The following LTBP1 variants were observed in gnomAD, a reference collection of about 807,000 sequenced individuals.
LTBP1 encodes the protein latent transforming growth factor beta binding protein 1.
LTBP1 carries 129 observed loss-of-function variants against 207.6 expected under a neutral mutation model. That is an observed-to-expected ratio of 0.62 (90% confidence interval 0.54 to 0.72). LTBP1 has a LOEUF of 0.72. Among genes scored for constraint, LTBP1 ranks in the 30% least tolerant of loss-of-function variants. LTBP1 has a pLI of 0.00. For synonymous variants in LTBP1, 963 were observed against 833.7 expected (o/e 1.16, Z -2.67); for missense variants, 2,281 against 2,217.2 (o/e 1.03, Z -0.58).
At chr2:33,228,715 T>TTTTTTTTTTTTTTTTTC (rs2091605231) in intron 9 of LTBP1, among the ~76,000 whole-genome samples, 1 of 142,344 alleles carries the variant, frequency 7.0e-6, no homozygotes, top group Non-Finnish European at 1.5e-5. Context: ...TTTTTTTTTT[T>TTTTTTTTTTTTTTTTTC]TTTGAGATGG....
chr2:32,947,475 T>A lies in LTBP1; in HGVS notation c.151T>A (p.Ser51Thr), dbSNP rs1676355436. ...GALPLSGPPRSRTFNVALNAR... is the reference protein window; with the variant it reads ...GALPLSGPPRTRTFNVALNAR... ...CTTGCCCCTGAGCGGGCCCCCGCGT[T>A]CGCGGACATTCAACGTCGCGCTCAA... The change falls in exon 1 of 34, where the codon TCG becomes ACG. Residue 51 changes from serine (S) to threonine (T), a missense_variant. Ser to Thr is a moderately conservative substitution (Grantham distance 58). Transcript: ENST00000404816. 6.2e-6 allele frequency: 9 copies of A among 1,445,574 alleles called. No individual in the cohort carries two copies. The highest frequency in any genetic ancestry group is 7.3e-6 in the Non-Finnish European group (8 of 1,103,428). The allele number at this position is 1,445,574 out of a possible 1,614,324, so 89.5% of individuals were successfully genotyped here.
Position 33,197,031 on chromosome 2 carries a change from C to A in LTBP1, c.1701+8180C>A, listed in dbSNP as rs149009422. Among the ~76,000 whole-genome samples the A allele has an allele frequency of 9.8e-3, 1,485 of 152,214 alleles. 23 individuals are homozygous for A. The highest frequency in any genetic ancestry group is 0.037 in the Middle Eastern group (11 of 294). On this transcript the variant is annotated intron_variant, in intron 7 of 33. Transcript: ENST00000404816. The stretch of plus-strand genomic sequence containing the variant: ...GAATGCCAACCTGTAGGGAAAAAAA[C>A]ATTTCTATTGTTTTGTTTTTGTAAA...
intron 2 of LTBP1, among the ~76,000 whole-genome samples, chr2:33,001,458 A>G (rs2148976372): frequency 7.4e-6 from 1 of 134,910 alleles, no homozygotes; most frequent in African/African-American, 2.6e-5. Context: ...CACACCTAGA[A>G]CAACTGCCTT....
intron 2 of LTBP1, among the ~76,000 whole-genome samples, chr2:32,955,688 G>T (rs913755663): frequency 6.6e-6 from 1 of 152,042 alleles, no homozygotes; most frequent in Admixed American, 6.5e-5. Context: ...GCCCATCAGG[G>T]TCATGTTTTT....
chr2:33,289,517 A>G (rs796737432), intron 19 of LTBP1, among the ~76,000 whole-genome samples: 41 of 151,844 alleles, frequency 2.7e-4, no homozygotes, highest in African/African-American at 9.7e-4. Context: ...GCACCACCAC[A>G]CTCAGCTAAT....
chr2:33,090,718 T>C (rs1572590393), intron 3 of LTBP1, among the ~76,000 whole-genome samples: 1 of 152,032 alleles, frequency 6.6e-6, no homozygotes, highest in African/African-American at 2.4e-5. Context: ...GTTGAGGCGG[T>C]GGGGTGCTTT....
intron 3 of LTBP1, among the ~76,000 whole-genome samples, chr2:33,070,622 A>G (rs1426502674): frequency 1.3e-5 from 2 of 152,234 alleles, no homozygotes; most frequent in African/African-American, 4.8e-5. Flanking sequence ...CACCTAATTT[A>G]CAAGAACTGG....
At chr2:32,983,060 C>T (rs1022737898) in intron 2 of LTBP1, among the ~76,000 whole-genome samples, 1 of 152,226 alleles carries the variant, frequency 6.6e-6, no homozygotes, top group African/African-American at 2.4e-5. Flanking sequence ...TGCAGACACT[C>T]AATGTCAGCT....
chr2:33,295,503 A>G (rs1573677645), intron 20 of LTBP1, among the ~76,000 whole-genome samples: 1 of 152,134 alleles, frequency 6.6e-6, no homozygotes, highest in East Asian at 1.9e-4. Context: ...CACCAGCCTG[A>G]GTGACAGAGC....
In LTBP1 at chr2:33,118,825, C is replaced by A. The variant is rs147138197; in HGVS notation, c.1033+8074C>A. On this transcript the variant is annotated intron_variant, in intron 4 of 33. Transcript: ENST00000404816. ...TATCTGAGAGCTATTTGATAACATT[C>A]CAGTTCAGGGAAGCCGTACGAACAT... Among the ~76,000 whole-genome samples the A allele has an allele frequency of 6.1e-3, 934 of 152,272 alleles. 5 individuals carry two copies. The highest frequency in any genetic ancestry group is 0.046 in the South Asian group (221 of 4,826).
intron 2 of LTBP1, among the ~76,000 whole-genome samples, chr2:32,993,969 A>AGTGTGTGTGTGTGTGTGT (rs70938383): frequency 1.0e-4 from 14 of 138,474 alleles, no homozygotes; most frequent in South Asian, 2.4e-4. Context: ...CAGTTAGGGG[A>AGTGTGTGTGTGTGTGTGT]GTGTGTGTGT....
intron 3 of LTBP1, among the ~76,000 whole-genome samples, chr2:33,072,225 C>G (rs2077827056): frequency 6.6e-6 from 1 of 152,156 alleles, no homozygotes; most frequent in South Asian, 2.1e-4. Context: ...CGAAGAGGTG[C>G]TTAGGGAGAG....
rs768709678 is a variant in LTBP1, at chr2:33,301,592, A to G, written c.3429A>G (p.Gln1143=). 2.0e-5 allele frequency: 33 copies of G among 1,612,848 alleles called. No homozygotes were observed. The highest frequency in any genetic ancestry group is 1.0e-4 in the Admixed American group (6 of 59,728). The change falls in exon 22 of 34, where the codon CAA becomes CAG. Residue 1143 remains glutamine (Q), a synonymous_variant. Coordinates refer to ENST00000404816, the MANE Select transcript of LTBP1 (RefSeq NM_206943.4). ...GQCRNTEGSF[Q]CVCDQGYRAS... is the part of the protein sequence containing the mutation. ...GCAGGAACACTGAGGGCTCTTTTCA[A>G]TGTGTGTGTGACCAGGGTTACAGAG...
At chr2:33,085,637 C>G (rs2078703657) in intron 3 of LTBP1, among the ~76,000 whole-genome samples, 1 of 152,176 alleles carries the variant, frequency 6.6e-6, no homozygotes, top group African/African-American at 2.4e-5. Flanking sequence ...TTATTATTAT[C>G]CTCTTTTTAT....
At chr2:33,277,605 C>G (rs762192996) in intron 18 of LTBP1, among the ~76,000 whole-genome samples, 2 of 151,942 alleles carry the variant, frequency 1.3e-5, no homozygotes, top group Non-Finnish European at 2.9e-5. Context: ...AATCTCCCCC[C>G]ATCCCTGACT....
intron 2 of LTBP1, among the ~76,000 whole-genome samples, chr2:33,004,117 A>G (rs1686431863): frequency 6.7e-6 from 1 of 149,886 alleles, no homozygotes; most frequent in Non-Finnish European, 1.5e-5. Flanking sequence ...TTTTTTAAAG[A>G]GAGTCTGCCT....
chr2:33,384,440 C>T (rs1235077424), intron 31 of LTBP1, among the ~76,000 whole-genome samples: 1 of 152,120 alleles, frequency 6.6e-6, no homozygotes, highest in African/African-American at 2.4e-5. Flanking sequence ...ATTTCCTGTT[C>T]ATTTCACATT....
Position 32,948,902 on chromosome 2 carries a change from T to A in LTBP1, c.522T>A (p.Cys174Ter). The part of the protein sequence containing the change: ...QGVNVCGGRC[C>*]HGWSKAPGSQ... Reference sequence around the variant, plus strand: ...TCAATGTCTGTGGAGGGCGGTGCTGTCATGGCTGGAGTAAGGCCCCTGGCT... The same window carrying A: ...TCAATGTCTGTGGAGGGCGGTGCTGACATGGCTGGAGTAAGGCCCCTGGCT... The change falls in exon 2 of 34, where the codon TGT becomes TGA. Residue 174 changes from cysteine (C) to a stop codon, truncating the protein, a stop_gained. Transcript: ENST00000404816. LOFTEE classifies it high-confidence loss of function. 2 of 1,614,174 alleles carry A rather than the reference T, an allele frequency of 1.2e-6. No individual in the cohort carries two copies. Among genetic ancestry groups the A allele is most frequent in the Non-Finnish European group, 1.7e-6 (2 of 1,180,030 alleles).
intron 3 of LTBP1, among the ~76,000 whole-genome samples, chr2:33,100,913 TG>T (rs1370170471): frequency 6.6e-6 from 1 of 152,248 alleles, no homozygotes; most frequent in East Asian, 1.9e-4. Context: ...TTCCATTGCA[TG>T]GACAAACCAC....
Sources: gnomAD v4.1 joint callset for allele counts (sites outside exome capture counted in the v4.1 genomes callset) on GRCh38, gnomAD v4.1.1 for gene constraint, MANE v1.5 for transcripts, NCBI Gene and HGNC (gene_info 2026-07-23, HGNC 2026-07-21) for gene names.